GRIP1: variants seen among roughly 807,000 people sequenced by gnomAD.
GRIP1 encodes glutamate receptor-interacting protein 1.
Under a neutral mutation model 129.9 loss-of-function variants are expected in GRIP1, and 45 were observed. The ratio of observed to expected loss-of-function variants is 0.35; its 90% CI spans 0.27 to 0.44. GRIP1 has a LOEUF of 0.44. Among genes scored for constraint, GRIP1 ranks in the 20% least tolerant of loss-of-function variants. GRIP1 has a pLI of 1.00. For missense variants in GRIP1, 1,196 were observed against 1,396.8 expected, an observed-to-expected ratio of 0.86 and a Z score of 2.29; for synonymous variants, 530 against 520.8, an observed-to-expected ratio of 1.02 and a Z score of -0.24.
At chr12:66,369,423 T>C (rs1022781884) in intron 23 of GRIP1, among the ~76,000 whole-genome samples, 2 of 151,314 alleles carry the variant, frequency 1.3e-5, no homozygotes, top group Non-Finnish European at 1.5e-5. Flanking sequence ...TTCATTGTCA[T>C]TATCTTTGCT....
chr12:66,691,243 GC>G (rs2034973256), intron 1 of GRIP1, among the ~76,000 whole-genome samples: 1 of 152,122 alleles, frequency 6.6e-6, no homozygotes, highest in African/African-American at 2.4e-5. Flanking sequence ...TAAGGAATGT[GC>G]CTTCAGTCAT....
rs2058569013 is a variant in GRIP1, at chr12:66,444,588, A to G, written c.1683T>C (p.Val561=). ...SKVTLEIEFD[V]AESVIPSSGT... ...CCTGAGATGATATGATTATACCTGC[A>G]ACATCAAACTCGATTTCCAGTGTGA... The change falls in exon 13 of 25, where the codon GTT becomes GTC. Residue 561 remains valine (V), a synonymous_variant. Transcript: ENST00000359742. 9.9e-6 allele frequency: 16 copies of G among 1,610,534 alleles called. No homozygotes were observed. In the East Asian group the frequency reaches 3.6e-4, roughly 36 times the overall value.
chr12:66,916,415 G>C (rs1320134965), intron 1 of GRIP1, among the ~76,000 whole-genome samples: 1 of 152,064 alleles, frequency 6.6e-6, no homozygotes, highest in East Asian at 1.9e-4. Context: ...TCAGGTTTAG[G>C]CATGTAGAAT....
intron 1 of GRIP1, among the ~76,000 whole-genome samples, chr12:66,991,883 CCAAATTTA>C (rs2042399847): frequency 6.6e-6 from 1 of 152,156 alleles, no homozygotes; most frequent in African/African-American, 2.4e-5. Context: ...AACTTGGATT[CCAAATTTA>C]CAACACTAAT....
At chr12:66,774,080 A>G (rs1256959533) in intron 1 of GRIP1, among the ~76,000 whole-genome samples, 4 of 152,194 alleles carry the variant, frequency 2.6e-5, no homozygotes, top group African/African-American at 9.7e-5. Flanking sequence ...AGTATATTTG[A>G]CAATGAATTC....
At chr12:66,679,238 C>G, upstream of GRIP1, 10 of 843,748 alleles carry the variant, frequency 1.2e-5, no homozygotes, top group Non-Finnish European at 1.6e-5. Context: ...TTCCATAAAT[C>G]TAACGCTAAG....
intron 1 of GRIP1, among the ~76,000 whole-genome samples, chr12:66,791,664 C>CT (rs2038541788): frequency 6.6e-6 from 1 of 152,090 alleles, no homozygotes; most frequent in Non-Finnish European, 1.5e-5. Flanking sequence ...CAACAATACT[C>CT]TTTTTTGATG....
intron 1 of GRIP1, among the ~76,000 whole-genome samples, chr12:66,870,771 A>G (rs1273302564): frequency 6.6e-6 from 1 of 152,128 alleles, no homozygotes; most frequent in African/African-American, 2.4e-5. Flanking sequence ...CTGTTTGTCA[A>G]TGCTAGGATT....
intron 7 of GRIP1, among the ~76,000 whole-genome samples, chr12:66,508,774 T>C (rs1450965990): frequency 6.6e-6 from 1 of 152,230 alleles, no homozygotes; most frequent in East Asian, 1.9e-4. Context: ...TACTCTACAG[T>C]GAGCCTTGTT....
At chr12:66,556,979 T>G (rs939895152) in intron 2 of GRIP1, among the ~76,000 whole-genome samples, 2 of 151,972 alleles carry the variant, frequency 1.3e-5, no homozygotes, top group Admixed American at 1.3e-4. Flanking sequence ...TCCTTACTTA[T>G]CAATAATAAC....
At chr12:66,858,189 G>C (rs769545437) in intron 1 of GRIP1, among the ~76,000 whole-genome samples, 1 of 151,868 alleles carries the variant, frequency 6.6e-6, no homozygotes, top group Non-Finnish European at 1.5e-5. Context: ...ATATGGTTAG[G>C]AGATTACTGT....
intron 1 of GRIP1, among the ~76,000 whole-genome samples, chr12:66,706,755 C>G (rs1327652705): frequency 6.6e-6 from 1 of 152,060 alleles, no homozygotes; most frequent in Non-Finnish European, 1.5e-5. Flanking sequence ...CCTCAGCAAA[C>G]TAACACAATA....
At chr12:66,572,837 A>G (rs1171573553) in intron 2 of GRIP1, among the ~76,000 whole-genome samples, 1 of 152,144 alleles carries the variant, frequency 6.6e-6, no homozygotes, top group Non-Finnish European at 1.5e-5. Flanking sequence ...CTTTATATGC[A>G]GTAGGCCTGA....
intron 6 of GRIP1, among the ~76,000 whole-genome samples, chr12:66,517,078 A>G (rs1397844551): frequency 5.3e-5 from 8 of 152,142 alleles, no homozygotes; most frequent in Non-Finnish European, 4.4e-5. Flanking sequence ...TATTATCTCT[A>G]TCTCTTAACA....
chr12:66,368,817 C>A (rs1341101960), intron 23 of GRIP1, among the ~76,000 whole-genome samples: 3 of 152,190 alleles, frequency 2.0e-5, no homozygotes, highest in Non-Finnish European at 2.9e-5. Context: ...CACACAATTA[C>A]CACTCTTTGC....
chr12:66,779,420 C>A (rs916850708), intron 1 of GRIP1, among the ~76,000 whole-genome samples: 59 of 152,100 alleles, frequency 3.9e-4, no homozygotes, highest in African/African-American at 1.4e-3. Flanking sequence ...CACTTTACTG[C>A]ATTTTATGGG....
chr12:66,376,138 G>A (rs1298412069), intron 22 of GRIP1, among the ~76,000 whole-genome samples: 1 of 152,222 alleles, frequency 6.6e-6, no homozygotes, highest in Admixed American at 6.5e-5. Flanking sequence ...CTCTGAAGCT[G>A]CAATTCATGC....
intron 15 of GRIP1, among the ~76,000 whole-genome samples, chr12:66,411,148 G>T (rs1312948231): frequency 1.3e-5 from 2 of 152,214 alleles, no homozygotes; most frequent in African/African-American, 4.8e-5. Context: ...TCAAGCGGCA[G>T]CCAGACTGCT....
chr12:66,922,335 C>G (rs1372548430), intron 1 of GRIP1, among the ~76,000 whole-genome samples: 1 of 152,168 alleles, frequency 6.6e-6, no homozygotes, highest in Non-Finnish European at 1.5e-5. Flanking sequence ...CCTTCACCCA[C>G]CTTCTATAAA....
Sources: allele counts gnomAD v4.1 joint callset (sites outside exome capture counted in the v4.1 genomes callset), GRCh38; gene constraint gnomAD v4.1.1; transcripts MANE v1.5; gene names NCBI Gene and HGNC (gene_info 2026-07-23, HGNC 2026-07-21).